Variants in ZFPM2 observed in about 807,000 individuals in gnomAD.
The protein encoded by ZFPM2 is zinc finger protein, FOG family member 2.
In ZFPM2, 20 loss-of-function variants were observed where a neutral mutation model predicts 98.6. The observed-to-expected ratio is 0.20, with a 90% CI of 0.14 to 0.29. The LOEUF is 0.29. Among genes scored for constraint, ZFPM2 ranks in the 10% least tolerant of loss-of-function variants. ZFPM2 has a pLI of 1.00. For synonymous variants in ZFPM2, 518 were observed against 502.7 expected (o/e 1.03, Z -0.41); for missense variants, 1,310 against 1,388.6 (o/e 0.94, Z 0.90).
chr8:105,439,209 A>G (rs1334411026), intron 2 of ZFPM2, among the ~76,000 whole-genome samples: 1 of 152,136 alleles, frequency 6.6e-6, no homozygotes, highest in East Asian at 1.9e-4. Flanking sequence ...AACTTCTCTA[A>G]GTGGTTCTGC....
chr8:105,637,865 C>T (rs1439473465), intron 5 of ZFPM2, among the ~76,000 whole-genome samples: 1 of 152,070 alleles, frequency 6.6e-6, no homozygotes, highest in Non-Finnish European at 1.5e-5. Context: ...ATGTTTGTGG[C>T]ATTTTCGTAA....
intron 5 of ZFPM2, among the ~76,000 whole-genome samples, chr8:105,721,863 A>G (rs1188314135): frequency 1.3e-5 from 2 of 151,948 alleles, no homozygotes; most frequent in Admixed American, 6.6e-5. Flanking sequence ...ACTATCAAGT[A>G]TGGTAGCCAC....
intron 4 of ZFPM2, among the ~76,000 whole-genome samples, chr8:105,623,408 T>G (rs990545205): frequency 7.9e-5 from 12 of 152,242 alleles, no homozygotes; most frequent in Non-Finnish European, 2.9e-5. Flanking sequence ...ATAAGCAAGT[T>G]AATAGTTTAT....
intron 5 of ZFPM2, among the ~76,000 whole-genome samples, chr8:105,661,453 C>T (rs1395612275): frequency 2.6e-5 from 4 of 152,064 alleles, no homozygotes; most frequent in Admixed American, 2.6e-4. Context: ...GTATGTTTTT[C>T]TAATATGTAT....
At chr8:105,428,281 A>C (rs958536056) in intron 2 of ZFPM2, among the ~76,000 whole-genome samples, 1 of 152,210 alleles carries the variant, frequency 6.6e-6, no homozygotes, top group Non-Finnish European at 1.5e-5. Flanking sequence ...GGTGCTTACA[A>C]AACCAAATAA....
intron 1 of ZFPM2, among the ~76,000 whole-genome samples, chr8:105,406,988 G>A (rs888764809): frequency 3.9e-5 from 6 of 151,924 alleles, no homozygotes; most frequent in Admixed American, 1.3e-4. Flanking sequence ...AATGAGGAAG[G>A]TGGTGTGGTA....
intron 5 of ZFPM2, among the ~76,000 whole-genome samples, chr8:105,706,887 G>C (rs1240537932): frequency 6.6e-6 from 1 of 151,956 alleles, no homozygotes; most frequent in African/African-American, 2.4e-5. Context: ...GCCCCTCTTG[G>C]TTTTAATCAC....
chr8:105,729,868 C>G (rs573235977), intron 5 of ZFPM2, among the ~76,000 whole-genome samples: 1 of 151,046 alleles, frequency 6.6e-6, no homozygotes, highest in Non-Finnish European at 1.5e-5. Flanking sequence ...TGCATACTCT[C>G]TCTATTAAAT....
intron 1 of ZFPM2, among the ~76,000 whole-genome samples, chr8:105,378,308 A>C (rs1243195443): frequency 6.6e-6 from 1 of 152,182 alleles, no homozygotes; most frequent in African/African-American, 2.4e-5. Context: ...TTCTATCTGT[A>C]ATCCTATATT....
chr8:105,655,779 A>G (rs1002290182), intron 5 of ZFPM2, among the ~76,000 whole-genome samples: 5 of 152,208 alleles, frequency 3.3e-5, no homozygotes, highest in Non-Finnish European at 5.9e-5. Flanking sequence ...TGTTCTGGAC[A>G]CTGAATCTTT....
At chr8:105,568,002 C>G (rs1302247457) in intron 4 of ZFPM2, among the ~76,000 whole-genome samples, 1 of 152,004 alleles carries the variant, frequency 6.6e-6, no homozygotes, top group East Asian at 1.9e-4. Flanking sequence ...TTTCCTATTT[C>G]TCATATCTCT....
At chr8:105,560,114 G>T (rs1235813819) in intron 3 of ZFPM2, among the ~76,000 whole-genome samples, 2 of 150,462 alleles carry the variant, frequency 1.3e-5, no homozygotes, top group Admixed American at 6.6e-5. Context: ...GGCTGGGGCA[G>T]GAGAAACTCT....
intron 5 of ZFPM2, among the ~76,000 whole-genome samples, chr8:105,684,355 AT>A (rs1810684492): frequency 6.6e-6 from 1 of 152,060 alleles, no homozygotes; most frequent in Admixed American, 6.6e-5. Flanking sequence ...TAGAATGAAA[AT>A]TGGGGTGTCA....
At chr8:105,734,863 C>G (rs1461825413) in intron 5 of ZFPM2, among the ~76,000 whole-genome samples, 1 of 148,972 alleles carries the variant, frequency 6.7e-6, no homozygotes, top group African/African-American at 2.6e-5. Flanking sequence ...TTAGAATGCC[C>G]CTTTCCCATG....
chr8:105,331,211 A>C (rs56351052), intron 1 of ZFPM2, among the ~76,000 whole-genome samples: 16,508 of 151,064 alleles, frequency 0.11, 1,171 homozygotes, highest in Non-Finnish European at 0.15. Flanking sequence ...CCAGTTATAT[A>C]ATAAATAATT....
chr8:105,388,146 A>G (rs986845725), intron 1 of ZFPM2, among the ~76,000 whole-genome samples: 4 of 152,222 alleles, frequency 2.6e-5, no homozygotes, highest in African/African-American at 9.6e-5. Context: ...GCTGGTAAAG[A>G]CAGACATATA....
At chr8:105,767,488 A>T (rs768419292) in intron 5 of ZFPM2, among the ~76,000 whole-genome samples, 15 of 151,956 alleles carry the variant, frequency 9.9e-5, no homozygotes, top group Non-Finnish European at 1.9e-4. Context: ...CACTGGGGTC[A>T]GGGTAAGCAT....
Position 105,802,740 on chromosome 8 carries a change from CCTGGGTCAA to C in ZFPM2, c.2663_2671del (p.Gly888_Leu890del), listed in dbSNP as rs1300981258. 2 of 1,613,422 alleles carry C rather than the reference CCTGGGTCAA, an allele frequency of 1.2e-6. No homozygotes were observed. Among genetic ancestry groups the C allele is most frequent in the Admixed American group, 1.7e-5 (1 of 59,932 alleles). On this transcript the variant is annotated inframe_deletion, in exon 8 of 8. Transcript: ENST00000407775. The stretch of plus-strand genomic sequence containing the variant: ...CGGTTACTGCACATCAGCGTAATGA[CCTGGGTCAA>C]CTGGACGGCAAAGTGTTTCCGAATC...
intron 5 of ZFPM2, among the ~76,000 whole-genome samples, chr8:105,709,220 A>G (rs1177468515): frequency 2.0e-5 from 3 of 152,178 alleles, no homozygotes; most frequent in Non-Finnish European, 4.4e-5. Flanking sequence ...GATTTAAAGT[A>G]AATCATTGAA....
Sources: gnomAD v4.1 joint callset for allele counts (sites outside exome capture counted in the v4.1 genomes callset) on GRCh38, gnomAD v4.1.1 for gene constraint, MANE v1.5 for transcripts, NCBI Gene and HGNC (gene_info 2026-07-23, HGNC 2026-07-21) for gene names.